The following ARHGAP24 variants were observed in gnomAD, a reference collection of about 807,000 sequenced individuals.
The protein encoded by ARHGAP24 is rho GTPase-activating protein 24.
In ARHGAP24, 50 loss-of-function variants were observed where a neutral mutation model predicts 76.4. The ratio of observed to expected loss-of-function variants is 0.65; its 90% CI spans 0.52 to 0.83. The LOEUF (loss-of-function observed/expected upper bound fraction) is 0.83, where lower values mean the gene tolerates loss of function less well. Among genes scored for constraint, ARHGAP24 ranks in the 40% least tolerant of loss-of-function variants. ARHGAP24 has a pLI of 0.00. For synonymous variants in ARHGAP24, 345 were observed against 323.3 expected, an observed-to-expected ratio of 1.07 and a Z score of -0.72; for missense variants, 930 against 914.2, an observed-to-expected ratio of 1.02 and a Z score of -0.22.
intron 3 of ARHGAP24, among the ~76,000 whole-genome samples, chr4:85,872,790 G>T (rs1466803723): frequency 2.7e-5 from 4 of 146,526 alleles, no homozygotes; most frequent in South Asian, 2.2e-4. Flanking sequence ...TTGTAGAGAT[G>T]GGGTCTTGCC....
chr4:85,576,896 A>C (rs1727400682), intron 2 of ARHGAP24, among the ~76,000 whole-genome samples: 1 of 152,058 alleles, frequency 6.6e-6, no homozygotes, highest in Non-Finnish European at 1.5e-5. Flanking sequence ...ATTCGGATAC[A>C]TTGGGCAAAT....
At position 85,926,740 on chromosome 4, in the gene ARHGAP24, A is replaced by G. The variant is rs529699818; in HGVS notation, c.391+2970A>G. On this transcript the variant is annotated intron_variant, in intron 4 of 9. Transcript: ENST00000395184. ...TTTTCTGCCGATTTGCAATATTTTA[A>G]AACCACTGTTTTAGTTCAACCTCAC... Among the ~76,000 whole-genome samples, 32 of 150,906 alleles carry G rather than the reference A, an allele frequency of 2.1e-4. No homozygotes were observed. The South Asian group carries it at 6.7e-3, about 32-fold the overall frequency.
At chr4:85,889,184 G>C (rs115558536) in intron 3 of ARHGAP24, among the ~76,000 whole-genome samples, 91 of 152,292 alleles carry the variant, frequency 6.0e-4, no homozygotes, top group Non-Finnish European at 1.1e-3. Flanking sequence ...GAAAATGCCA[G>C]ATTTTAAATT....
intron 3 of ARHGAP24, among the ~76,000 whole-genome samples, chr4:85,740,461 C>T (rs922939781): frequency 2.0e-5 from 3 of 152,042 alleles, no homozygotes; most frequent in Admixed American, 2.0e-4. Flanking sequence ...GACCTCAAGT[C>T]ATCTGCCTGC....
chr4:85,881,398 T>G (rs1188759117), intron 3 of ARHGAP24, among the ~76,000 whole-genome samples: 1 of 152,218 alleles, frequency 6.6e-6, no homozygotes, highest in African/African-American at 2.4e-5. Context: ...GTTGCCAAGA[T>G]GTATATTCAT....
In ARHGAP24 at chr4:85,503,622, T is replaced by C. The variant is rs1212620203; in HGVS notation, c.-21+28063T>C. 8.5e-5 allele frequency among the ~76,000 whole-genome samples: 13 copies of C among 152,174 alleles called. 1 individual carries two copies. Among genetic ancestry groups the C allele is most frequent in the Admixed American group, 8.5e-4 (13 of 15,274 alleles). ...TCTTCTCTCTTTTCTTCTTTATTAG[T>C]GTTGCTAGCAGTCTATCAATTTCAT... On this transcript the variant is annotated intron_variant, in intron 1 of 9. Transcript: ENST00000395184.
At chr4:85,602,336 G>T (rs1440033838) in intron 2 of ARHGAP24, among the ~76,000 whole-genome samples, 1 of 152,170 alleles carries the variant, frequency 6.6e-6, no homozygotes, top group African/African-American at 2.4e-5. Flanking sequence ...TTTAAGAGCA[G>T]ATTTGGGTGG....
chr4:85,631,342 AC>A (rs1031023452), intron 2 of ARHGAP24, among the ~76,000 whole-genome samples: 2 of 152,102 alleles, frequency 1.3e-5, no homozygotes, highest in Admixed American at 6.5e-5. Context: ...TATTTATCTC[AC>A]TACCTTTCCT....
At chr4:85,546,919 T>C (rs1725941231) in intron 1 of ARHGAP24, among the ~76,000 whole-genome samples, 1 of 152,238 alleles carries the variant, frequency 6.6e-6, no homozygotes, top group Admixed American at 6.5e-5. Flanking sequence ...TATGTCTCTA[T>C]GTATTTATTA....
intron 5 of ARHGAP24, among the ~76,000 whole-genome samples, chr4:85,948,448 G>A (rs1737412591): frequency 6.6e-6 from 1 of 152,042 alleles, no homozygotes; most frequent in Admixed American, 6.6e-5. Context: ...TTCTCCATGG[G>A]CATTTATAAT....
At chr4:85,755,588 G>A (rs1348643080) in intron 3 of ARHGAP24, among the ~76,000 whole-genome samples, 1 of 151,526 alleles carries the variant, frequency 6.6e-6, no homozygotes, top group Non-Finnish European at 1.5e-5. Flanking sequence ...ACCTAAGGGT[G>A]GAGGGAATCT....
rs558428001 is a variant in ARHGAP24, at chr4:85,765,249, A to G, written c.268+43277A>G. ...AACGTAATATGGTAAGCCTGACTTG[A>G]AAATAATTTTATGGTTTGTGAATTG... On this transcript the variant is annotated intron_variant, in intron 3 of 9. Transcript: ENST00000395184. 1.2e-3 allele frequency among the ~76,000 whole-genome samples: 190 copies of G among 152,288 alleles called. 2 individuals carry two copies. Among genetic ancestry groups the G allele is most frequent in the African/African-American group, 4.2e-3 (175 of 41,596 alleles).
At chr4:85,947,606 A>T (rs1350969717) in intron 5 of ARHGAP24, among the ~76,000 whole-genome samples, 2 of 152,210 alleles carry the variant, frequency 1.3e-5, no homozygotes, top group Non-Finnish European at 2.9e-5. Flanking sequence ...TACTACATGG[A>T]TAGACACATG....
intron 4 of ARHGAP24, among the ~76,000 whole-genome samples, chr4:85,929,937 G>T (rs115602498): frequency 9.1e-4 from 139 of 152,322 alleles, no homozygotes; most frequent in African/African-American, 3.2e-3. Flanking sequence ...CCAGCCAGCT[G>T]TAAAAGTGCT....
chr4:85,983,465 A>C (rs1386501523), intron 8 of ARHGAP24, among the ~76,000 whole-genome samples: 2 of 152,116 alleles, frequency 1.3e-5, no homozygotes, highest in Non-Finnish European at 2.9e-5. Flanking sequence ...AATAATCACC[A>C]TTCTGACTGG....
At chr4:85,897,800 A>G (rs1734268533) in intron 3 of ARHGAP24, among the ~76,000 whole-genome samples, 1 of 151,408 alleles carries the variant, frequency 6.6e-6, no homozygotes, top group African/African-American at 2.4e-5. Context: ...TTATTTTTCA[A>G]TGGATGGGCA....
At position 86,001,560 on chromosome 4, in the gene ARHGAP24, A is replaced by G; in HGVS notation, c.*838A>G. 2.5e-6 allele frequency: 1 copy of G among 397,276 alleles called. No individual in the cohort carries two copies. Among genetic ancestry groups the G allele is most frequent in the Non-Finnish European group, 4.4e-6 (1 of 225,660 alleles). The allele number at this position is 397,276 out of a possible 1,614,324, so 24.6% of individuals were successfully genotyped here. ...CTGTCCCTCTGGACCGAATCTCTTTAACTGCTGGATAGTTTTAGAGGAATT... is the reference window on the plus strand; with the variant it reads ...CTGTCCCTCTGGACCGAATCTCTTTGACTGCTGGATAGTTTTAGAGGAATT... On this transcript the variant is annotated 3_prime_UTR_variant, in exon 10 of 10. Transcript: ENST00000395184.
intron 1 of ARHGAP24, among the ~76,000 whole-genome samples, chr4:85,487,163 T>TATATATTTATTTTATATATAAAA (rs1723090699): frequency 7.3e-6 from 1 of 136,110 alleles, no homozygotes; most frequent in African/African-American, 2.8e-5. Context: ...TATATATATA[T>TATATATTTATTTTATATATAAAA]AAATATATAT....
At chr4:85,643,240 T>G (rs1201404990) in intron 2 of ARHGAP24, among the ~76,000 whole-genome samples, 266 of 3,036 alleles carry the variant, frequency 0.088, 18 homozygotes, top group African/African-American at 0.26. Context: ...TTGTGTTTTT[T>G]TTTTTTTTTT....
Sources: allele counts gnomAD v4.1 joint callset (sites outside exome capture counted in the v4.1 genomes callset), GRCh38; gene constraint gnomAD v4.1.1; transcripts MANE v1.5; gene names NCBI Gene and HGNC (gene_info 2026-07-23, HGNC 2026-07-21).